The following BRCA2 variants were observed in gnomAD, a reference collection of about 807,000 sequenced individuals.
The protein encoded by BRCA2 is breast cancer type 2 susceptibility protein.
Under a neutral mutation model 276.7 loss-of-function variants are expected in BRCA2, and 203 were observed. That is an observed-to-expected ratio of 0.73 (90% CI 0.65 to 0.82). BRCA2 has a LOEUF of 0.82. Ranked by LOEUF, BRCA2 falls within the 40% of genes least tolerant of loss-of-function variation. The pLI is 0.00. For synonymous variants in BRCA2, 1,289 were observed against 1,338.4 expected (o/e 0.96, Z 0.81); for missense variants, 3,920 against 3,915.0 (o/e 1.00, Z -0.03).
intron 4 of BRCA2, among the ~76,000 whole-genome samples, chr13:32,325,443 CAG>C (rs1566218353): frequency 2.0e-5 from 3 of 151,736 alleles, no homozygotes; most frequent in African/African-American, 7.3e-5. Context: ...ACAAAAATAA[CAG>C]TGGTGAAAAG....
intron 24 of BRCA2, among the ~76,000 whole-genome samples, chr13:32,394,400 C>T (rs2073018530): frequency 6.6e-6 from 1 of 152,166 alleles, no homozygotes; most frequent in African/African-American, 2.4e-5. Flanking sequence ...CCAAATTTAT[C>T]TCCAGAAATC....
chr13:32,396,827 G>T lies in BRCA2; in HGVS notation c.9502-71G>T, dbSNP rs81002856. The T allele has an allele frequency of 8.2e-6, 13 of 1,580,146 alleles. No homozygotes were observed. The African/African-American group carries it at 1.5e-4, about 18-fold the overall frequency. On this transcript the variant is annotated intron_variant, in intron 25 of 26. Transcript: ENST00000380152. ...CAAACTTTTCATTTCTGCTTTTAAAGGAAATACTTTTGGAAACATAAATAT... is the reference window on the plus strand; with the variant it reads ...CAAACTTTTCATTTCTGCTTTTAAATGAAATACTTTTGGAAACATAAATAT...
At chr13:32,345,144 G>A (rs1015492638) in intron 12 of BRCA2, among the ~76,000 whole-genome samples, 3 of 151,998 alleles carry the variant, frequency 2.0e-5, no homozygotes, top group African/African-American at 7.2e-5. Flanking sequence ...TATTTTTCTT[G>A]TAGGTGACAA....
rs80358892 is a variant in BRCA2, at chr13:32,341,000, C to T, written c.6645C>T (p.Tyr2215=). The change falls in exon 11 of 27, where the codon TAC becomes TAT. Residue 2215 remains tyrosine (Y), a synonymous_variant. Transcript: ENST00000380152. ...VKTNIEVCST[Y]SKDSENYFET... is the part of the protein sequence containing the mutation. ...CAAATATAGAAGTTTGTTCTACTTA[C>T]TCCAAAGATTCAGAAAACTACTTTG... The T allele has an allele frequency of 6.2e-7, 1 of 1,612,546 alleles. No individual in the cohort carries two copies. Among genetic ancestry groups the T allele is most frequent in the Non-Finnish European group, 8.5e-7 (1 of 1,179,550 alleles).
intron 24 of BRCA2, among the ~76,000 whole-genome samples, chr13:32,392,917 A>C (rs747569154): frequency 1.3e-5 from 2 of 152,018 alleles, no homozygotes; most frequent in Non-Finnish European, 2.9e-5. Context: ...TTTCATGATC[A>C]TTATGCTTTT....
intron 2 of BRCA2, among the ~76,000 whole-genome samples, chr13:32,318,398 T>C (rs1355618563): frequency 2.0e-5 from 3 of 152,174 alleles, no homozygotes; most frequent in Non-Finnish European, 4.4e-5. Context: ...TGAGTACTCT[T>C]CAGAATTATT....
intron 18 of BRCA2, among the ~76,000 whole-genome samples, chr13:32,367,532 A>G (rs1018727472): frequency 4.0e-5 from 6 of 151,570 alleles, no homozygotes; most frequent in South Asian, 2.1e-4. Context: ...GCCCAGGCAC[A>G]GTGTCTCACG....
rs202047206 is a variant in BRCA2, at chr13:32,336,971, A to G, written c.2616A>G (p.Lys872=). The change falls in exon 11 of 27, where the codon AAA becomes AAG. Residue 872 remains lysine, a synonymous_variant. Transcript: ENST00000380152. ...AAGAAGAAACTACTTCAATTTCAAAAATAACTGTCAATCCAGACTCTGAAG... is the reference window on the plus strand; with the variant it reads ...AAGAAGAAACTACTTCAATTTCAAAGATAACTGTCAATCCAGACTCTGAAG... ...KNQEETTSIS[K]ITVNPDSEEL... is the part of the protein sequence containing the mutation. 1.3e-6 allele frequency: 2 copies of G among 1,584,264 alleles called. No homozygotes were observed. The highest frequency in any genetic ancestry group is 1.7e-6 in the Non-Finnish European group (2 of 1,171,994).
intron 18 of BRCA2, among the ~76,000 whole-genome samples, chr13:32,368,365 C>G (rs545242214): frequency 1.3e-5 from 2 of 152,192 alleles, no homozygotes; most frequent in East Asian, 3.9e-4. Context: ...GAATTTGTGT[C>G]TACCAACATA....
Position 32,336,807 on chromosome 13 carries a change from A to C in BRCA2, c.2452A>C (p.Asn818His), listed in dbSNP as rs750667529. The part of the protein sequence containing the change: ...ELTKNIPMEK[N>H]QDVCALNENY... Reference sequence around the variant, plus strand: ...AACCAAAAATATTCCCATGGAAAAGAATCAAGATGTATGTGCTTTAAATGA... The same window carrying C: ...AACCAAAAATATTCCCATGGAAAAGCATCAAGATGTATGTGCTTTAAATGA... The change falls in exon 11 of 27, where the codon AAT becomes CAT. Residue 818 changes from asparagine to histidine, a missense_variant. Asn to His is a moderately conservative substitution (Grantham distance 68, BLOSUM62 1). Transcript: ENST00000380152. 1 of 1,606,876 alleles carries C rather than the reference A, an allele frequency of 6.2e-7. No homozygotes were observed. Among genetic ancestry groups the C allele is most frequent in the African/African-American group, 1.3e-5 (1 of 74,346 alleles).
chr13:32,389,389 G>A (rs1329293106), intron 24 of BRCA2, among the ~76,000 whole-genome samples: 1 of 151,990 alleles, frequency 6.6e-6, no homozygotes. Flanking sequence ...CCATCCTATT[G>A]TCCTCAGTCC....
intron 13 of BRCA2, among the ~76,000 whole-genome samples, chr13:32,347,319 ATAAAGGATTTAG>A (rs2072618750): frequency 6.6e-6 from 1 of 152,196 alleles, no homozygotes; most frequent in Admixed American, 6.5e-5. Flanking sequence ...AGCCAAAAAC[ATAAAGGATTTAG>A]TAAGCATGAG....
chr13:32,349,573 A>C (rs2072633941), intron 13 of BRCA2, among the ~76,000 whole-genome samples: 2 of 151,838 alleles, frequency 1.3e-5, no homozygotes, highest in Admixed American at 1.3e-4. Context: ...GGTGGCTCAC[A>C]TGGAGGCTGA....
chr13:32,328,563 G>C (rs943345545), intron 7 of BRCA2, among the ~76,000 whole-genome samples: 1 of 152,036 alleles, frequency 6.6e-6, no homozygotes, highest in Non-Finnish European at 1.5e-5. Flanking sequence ...ATTATGACCT[G>C]TTCATAGTTG....
Position 32,339,149 on chromosome 13 carries a change from C to A in BRCA2, c.4794C>A (p.Leu1598=), listed in dbSNP as rs1294850148. 6.2e-7 allele frequency: 1 copy of A among 1,613,900 alleles called. No homozygotes were observed. The highest frequency in any genetic ancestry group is 1.1e-5 in the South Asian group (1 of 91,082). The part of the protein sequence containing the change: ...APKCKEMQNS[L]NNDKNLVSIE... The stretch of plus-strand genomic sequence containing the variant: ...AGTGTAAAGAAATGCAGAATTCTCT[C>A]AATAATGATAAAAACCTTGTTTCTA... Residue 1598 remains leucine (L), a synonymous_variant, in exon 11 of 27, where the codon CTC becomes CTA. Transcript: ENST00000380152.
chr13:32,387,496 C>A (rs1193682332), intron 24 of BRCA2, among the ~76,000 whole-genome samples: 1 of 152,116 alleles, frequency 6.6e-6, no homozygotes, highest in Non-Finnish European at 1.5e-5. Context: ...TGGGAAGACA[C>A]CCGTTACTTA....
chr13:32,367,544 G>A (rs946689037), intron 18 of BRCA2, among the ~76,000 whole-genome samples: 12 of 149,346 alleles, frequency 8.0e-5, no homozygotes, highest in African/African-American at 2.2e-4. Flanking sequence ...TGTCTCACGC[G>A]TGTAATTGCA....
rs200458964 is a variant in BRCA2, at chr13:32,326,227, T to G, written c.476-15T>G. 3 of 1,612,076 alleles carry G rather than the reference T, an allele frequency of 1.9e-6. No individual in the cohort carries two copies. Among genetic ancestry groups the G allele is most frequent in the Non-Finnish European group, 2.5e-6 (3 of 1,178,498 alleles). Reference sequence around the variant, plus strand: ...AAAATAAAACTTAACAATTTTCCCCTTTTTTTACCCCCAGTGGTATGTGGG... The same window carrying G: ...AAAATAAAACTTAACAATTTTCCCCGTTTTTTACCCCCAGTGGTATGTGGG... On this transcript the variant is annotated splice_polypyrimidine_tract_variant and intron_variant, in intron 5 of 26. Coordinates refer to ENST00000380152, the MANE Select transcript of BRCA2 (RefSeq NM_000059.4).
chr13:32,356,607 C>T lies in BRCA2; in HGVS notation c.7615C>T (p.Gln2539Ter), dbSNP rs886040720. Reference sequence around the variant, plus strand: ...AGTTCCCTCTGCGTGTTCTCATAAACAGGTATGTGTTTGTCTACAATACTG... The same window carrying T: ...AGTTCCCTCTGCGTGTTCTCATAAATAGGTATGTGTTTGTCTACAATACTG... The part of the protein sequence containing the change: ...GQVPSACSHK[Q>*]LYTYGVSKHC... The change falls in exon 15 of 27, where the codon CAG (glutamine) becomes TAG (stop). Residue 2539 changes from glutamine to a stop codon, truncating the protein, a stop_gained and splice_region_variant. Coordinates refer to ENST00000380152, the MANE Select transcript of BRCA2 (RefSeq NM_000059.4). LOFTEE classifies it high-confidence loss of function. 2 of 1,613,950 alleles carry T rather than the reference C, an allele frequency of 1.2e-6. No homozygotes were observed. The highest frequency in any genetic ancestry group is 2.2e-5 in the East Asian group (1 of 44,880).
Sources: allele counts gnomAD v4.1 joint callset (sites outside exome capture counted in the v4.1 genomes callset), GRCh38; gene constraint gnomAD v4.1.1; transcripts MANE v1.5; gene names NCBI Gene and HGNC (gene_info 2026-07-23, HGNC 2026-07-21).